Variants in DYSF observed in about 807,000 individuals in gnomAD.
DYSF encodes the protein dystrophy-associated fer-1-like 1.
Under a neutral mutation model 274.9 loss-of-function variants are expected in DYSF, and 212 were observed. The ratio of observed to expected loss-of-function variants is 0.77; its 90% CI spans 0.69 to 0.86. The LOEUF is 0.86. Among genes scored for constraint, DYSF ranks in the 40% least tolerant of loss-of-function variants. DYSF has a pLI of 0.00. For missense variants in DYSF, 2,666 were observed against 2,783.2 expected (o/e 0.96, Z 0.95); for synonymous variants, 1,091 against 1,078.7 (o/e 1.01, Z -0.22).
At chr2:71,468,686 C>T (rs2081729624) in intron 1 of DYSF, among the ~76,000 whole-genome samples, 1 of 152,210 alleles carries the variant, frequency 6.6e-6, no homozygotes. Flanking sequence ...AAGCCCAGGG[C>T]AATGCCACCT....
intron 35 of DYSF, 26 bp from the exon 36 acceptor site, chr2:71,602,750 T>A (rs2093575777): frequency 2.5e-6 from 4 of 1,611,810 alleles, no homozygotes; most frequent in Non-Finnish European, 3.4e-6. Flanking sequence ...CTCCTGGATG[T>A]GCCACATCCC....
intron 41 of DYSF, 55 bp downstream of exon 41, chr2:71,620,664 G>GGT: frequency 7.8e-7 from 1 of 1,285,384 alleles, no homozygotes; most frequent in African/African-American, 1.5e-5. Context: ...GGGGCTGGGG[G>GGT]TAGGGGGGTT....
chr2:71,641,765 G>A (rs367700037), intron 41 of DYSF, among the ~76,000 whole-genome samples: 53 of 152,138 alleles, frequency 3.5e-4, no homozygotes, highest in Middle Eastern at 6.8e-3. Context: ...ACCCAGGAGG[G>A]CTTTAAGCAT....
intron 1 of DYSF, among the ~76,000 whole-genome samples, chr2:71,478,950 G>A (rs1251552488): frequency 1.3e-5 from 2 of 151,880 alleles, no homozygotes; most frequent in East Asian, 3.9e-4. Context: ...GGGCGGGGCC[G>A]ACCCCACAGG....
chr2:71,569,349 G>A (rs2092296451), intron 26 of DYSF, among the ~76,000 whole-genome samples: 1 of 152,028 alleles, frequency 6.6e-6, no homozygotes, highest in Non-Finnish European at 1.5e-5. Context: ...AGATCCACGT[G>A]GTCCTTCTCC....
chr2:71,680,366 A>G (rs1437517587), intron 53 of DYSF, among the ~76,000 whole-genome samples: 1 of 152,196 alleles, frequency 6.6e-6, no homozygotes, highest in Non-Finnish European at 1.5e-5. Flanking sequence ...TGCTGGGAGC[A>G]CTAATGGTTT....
At chr2:71,574,914 G>A (rs2092650011) in intron 30 of DYSF, among the ~76,000 whole-genome samples, 1 of 152,174 alleles carries the variant, frequency 6.6e-6, no homozygotes, top group African/African-American at 2.4e-5. Flanking sequence ...CCAGGGCCGG[G>A]GTGACGGGCT....
At chr2:71,475,572 GAAGAGTC>G (rs1307442972) in intron 1 of DYSF, among the ~76,000 whole-genome samples, 1 of 152,074 alleles carries the variant, frequency 6.6e-6, no homozygotes, top group African/African-American at 2.4e-5. Flanking sequence ...GCTGGGTATT[GAAGAGTC>G]AGTAGGAGTT....
upstream of DYSF, chr2:71,466,688 A>G: frequency 7.3e-7 from 1 of 1,371,810 alleles, no homozygotes; most frequent in Middle Eastern, 2.8e-4. Flanking sequence ...AGCCTCTCCC[A>G]GGCATTGGTC....
chr2:71,466,599 G>A, upstream of DYSF: 4 of 1,212,656 alleles, frequency 3.3e-6, no homozygotes, highest in Non-Finnish European at 3.1e-6. Flanking sequence ...GTCCCTCCCC[G>A]CCCGCCGCGG....
At chr2:71,502,571 G>A (rs1268919709) in intron 3 of DYSF, among the ~76,000 whole-genome samples, 4 of 152,094 alleles carry the variant, frequency 2.6e-5, no homozygotes, top group Admixed American at 6.5e-5. Context: ...CAACCATCGC[G>A]CTGCTGACCT....
chr2:71,482,167 T>C (rs1017053951), intron 3 of DYSF, among the ~76,000 whole-genome samples, 197 bp downstream of exon 3: 3 of 152,180 alleles, frequency 2.0e-5, no homozygotes, highest in Non-Finnish European at 2.9e-5. Context: ...TGGGTACAGC[T>C]GAGCTTCCAG....
rs1476597172 is a variant in DYSF at position 71,668,773 on chromosome 2, T to C, written c.5477T>C (p.Val1826Ala). 1.2e-6 allele frequency: 2 copies of C among 1,613,710 alleles called. No individual in the cohort carries two copies. The highest frequency in any genetic ancestry group is 8.5e-7 in the Non-Finnish European group (1 of 1,179,948). ...CCGCAGGGGAAGCTGCAGATGTGGG[T>C]CGACCTATTTCCGAAGGCCCTGGGG... ...DIEQGKLQMW[V>A]DLFPKALGRP... The change falls in exon 49 of 56, where the codon GTC (valine) becomes GCC (alanine). Residue 1826 changes from valine to alanine, a missense_variant. Physicochemically the swap from Val to Ala is moderately conservative, Grantham distance 64 (BLOSUM62 0). Transcript: ENST00000410020.
chr2:71,591,487 C>T (rs1300014790), intron 32 of DYSF, among the ~76,000 whole-genome samples: 3 of 152,242 alleles, frequency 2.0e-5, no homozygotes, highest in East Asian at 1.9e-4. Context: ...ACTATGTGCC[C>T]AGGCGTTTTG....
intron 30 of DYSF, among the ~76,000 whole-genome samples, chr2:71,584,515 G>T (rs1185822255): frequency 2.0e-5 from 3 of 152,158 alleles, no homozygotes; most frequent in African/African-American, 7.2e-5. Context: ...ACCCGACTCT[G>T]AGCTTCCTGA....
chr2:71,522,889 C>G (rs1229060615), intron 12 of DYSF, among the ~76,000 whole-genome samples: 1 of 152,100 alleles, frequency 6.6e-6, no homozygotes, highest in African/African-American at 2.4e-5. Flanking sequence ...AAGCAGTTGG[C>G]CAGTCTTGTT....
chr2:71,644,042 GA>G lies in DYSF; in HGVS notation c.4607del (p.Lys1536ArgfsTer6). 1.2e-6 allele frequency: 2 copies of G among 1,611,634 alleles called. No homozygotes were observed. The highest frequency in any genetic ancestry group is 1.1e-5 in the South Asian group (1 of 90,282). On this transcript the variant is annotated frameshift_variant, in exon 42 of 56. Transcript: ENST00000410020. LOFTEE classifies it high-confidence loss of function. Reference sequence around the variant, plus strand: ...GGGAAAAGTGCGGCTCCTACCTGGAGAAGGATTTTGACACCCTGAAGGTAAG... The same window carrying G: ...GGGAAAAGTGCGGCTCCTACCTGGAGAGGATTTTGACACCCTGAAGGTAAG... ...EREKCGSYLE[K>X]DFDTLKVYDT...
At chr2:71,583,761 G>T (rs17007074) in intron 30 of DYSF, among the ~76,000 whole-genome samples, 1 of 152,154 alleles carries the variant, frequency 6.6e-6, no homozygotes, top group African/African-American at 2.4e-5. Context: ...ATTTAGGTGG[G>T]TTGAGGAGTC....
At chr2:71,593,226 A>G (rs1047250233) in intron 32 of DYSF, among the ~76,000 whole-genome samples, 1 of 135,734 alleles carries the variant, frequency 7.4e-6, no homozygotes, top group African/African-American at 2.8e-5. Flanking sequence ...TCCGCCTCCC[A>G]GGTTCAAGTG....
Sources: gnomAD v4.1 joint callset for allele counts (sites outside exome capture counted in the v4.1 genomes callset) on GRCh38, gnomAD v4.1.1 for gene constraint, MANE v1.5 for transcripts, NCBI Gene and HGNC (gene_info 2026-07-23, HGNC 2026-07-21) for gene names.